Variants in BCL2L15 observed in about 807,000 individuals in gnomAD.
The protein encoded by BCL2L15 is bcl-2-like protein 15.
In BCL2L15, 15 loss-of-function variants were observed where a neutral mutation model predicts 18.3. The observed-to-expected ratio is 0.82, with a 90% CI of 0.55 to 1.26. The LOEUF (loss-of-function observed/expected upper bound fraction) is 1.26. Ranked by LOEUF, BCL2L15 falls within the 50% of genes most tolerant of loss-of-function variation. BCL2L15 has a pLI of 0.00. For synonymous variants in BCL2L15, 58 were observed against 68.5 expected (o/e 0.85, Z 0.76); for missense variants, 180 against 201.7 (o/e 0.89, Z 0.65).
chr1:113,877,186 G>C lies in BCL2L15; in HGVS notation c.*3937C>G, dbSNP rs1666749690. On this transcript the variant is annotated 3_prime_UTR_variant, in exon 4 of 4. Transcript: ENST00000393316. ...AGGAGGAGGGCAGCTTTAGTGACTGGCTCGGTTATACTAGAGCATTGGGAT... is the reference window on the plus strand; with the variant it reads ...AGGAGGAGGGCAGCTTTAGTGACTGCCTCGGTTATACTAGAGCATTGGGAT... Among the ~76,000 whole-genome samples, 2 of 152,090 alleles carry C rather than the reference G, an allele frequency of 1.3e-5. No individual in the cohort carries two copies. The highest frequency in any genetic ancestry group is 4.1e-4 in the South Asian group (2 of 4,820).
rs1236835126 is a variant in BCL2L15 at position 113,878,332 on chromosome 1, C to T, written c.*2791G>A. 6.6e-6 allele frequency: 1 copy of T among 152,294 alleles called. No homozygotes were observed. The highest frequency in any genetic ancestry group is 1.5e-5 in the Non-Finnish European group (1 of 68,040). The allele number at this position is 152,294 out of a possible 1,614,324, so 9.4% of individuals were successfully genotyped here. On this transcript the variant is annotated 3_prime_UTR_variant, in exon 4 of 4. Coordinates refer to ENST00000393316, the MANE Select transcript of BCL2L15 (RefSeq NM_001010922.3). Reference sequence around the variant, plus strand: ...GTGAAACTAAAGTGTTAAAATCAGGCAATCTGAATCCATTTTTAATTCCTG... The same window carrying T: ...GTGAAACTAAAGTGTTAAAATCAGGTAATCTGAATCCATTTTTAATTCCTG...
chr1:113,879,409 T>C lies in BCL2L15; in HGVS notation c.*1714A>G, dbSNP rs562079535. 1.3e-5 allele frequency: 2 copies of C among 152,476 alleles called. No homozygotes were observed. The highest frequency in any genetic ancestry group is 3.8e-4 in the East Asian group (2 of 5,326). 9.4% of individuals were successfully genotyped at this position (152,476 alleles called of 1,614,324 possible). A position where few individuals can be genotyped will look rare whatever the true frequency, so the allele number is the denominator to read the frequency against. ...TCTATTAGATCATTAAGGACTATTTTGAGATACAAGATCATACAAATCATA... is the reference window on the plus strand; with the variant it reads ...TCTATTAGATCATTAAGGACTATTTCGAGATACAAGATCATACAAATCATA... On this transcript the variant is annotated 3_prime_UTR_variant, in exon 4 of 4. Transcript: ENST00000393316.
intron 2 of BCL2L15, among the ~76,000 whole-genome samples, chr1:113,883,665 T>A (rs1666951223): frequency 6.7e-6 from 1 of 150,308 alleles, no homozygotes; most frequent in African/African-American, 2.4e-5. Context: ...GTGCCTGTAG[T>A]CCCAGCTACT....
Position 113,878,942 on chromosome 1 carries a change from C to A in BCL2L15, c.*2181G>T. The A allele has an allele frequency of 6.6e-6, 1 of 152,130 alleles. No homozygotes were observed. The highest frequency in any genetic ancestry group is 1.9e-4 in the East Asian group (1 of 5,186). 9.4% of individuals were successfully genotyped at this position (152,130 alleles called of 1,614,324 possible). The stretch of plus-strand genomic sequence containing the variant: ...TCAGCTCACAGCAACCTCCGCCTCC[C>A]AGGTTCAAGTGATTCTCCTGCCTCA... On this transcript the variant is annotated 3_prime_UTR_variant, in exon 4 of 4. Coordinates refer to ENST00000393316, the MANE Select transcript of BCL2L15 (RefSeq NM_001010922.3).
chr1:113,886,791 T>C, intron 1 of BCL2L15, 133 bp from the exon 2 acceptor site: 1 of 801,208 alleles, frequency 1.2e-6, no homozygotes, highest in African/African-American at 1.7e-5. Flanking sequence ...TTAAATGTTC[T>C]GTCAACACCA....
intron 2 of BCL2L15, among the ~76,000 whole-genome samples, chr1:113,883,169 C>G (rs1156308866): frequency 6.6e-6 from 1 of 151,858 alleles, no homozygotes; most frequent in African/African-American, 2.4e-5. Context: ...ATCTTGATTT[C>G]TAAATATCAT....
intron 2 of BCL2L15, among the ~76,000 whole-genome samples, chr1:113,883,910 G>A (rs998339765): frequency 2.6e-5 from 4 of 152,204 alleles, no homozygotes; most frequent in African/African-American, 9.6e-5. Context: ...TCAAAGAGAT[G>A]CAGTCTAGAG....
At position 113,880,858 on chromosome 1, in the gene BCL2L15, TA is replaced by T; in HGVS notation, c.*264del. Reference sequence around the variant, plus strand: ...GGTCTTTGCTTCAACAGAACCTCATTAAAACTCATGTGAAAACAGAAAGTAG... The same window carrying T: ...GGTCTTTGCTTCAACAGAACCTCATTAAACTCATGTGAAAACAGAAAGTAG... On this transcript the variant is annotated 3_prime_UTR_variant, in exon 4 of 4. Transcript: ENST00000393316. 3.8e-6 allele frequency: 2 copies of T among 524,950 alleles called. No homozygotes were observed. Among genetic ancestry groups the T allele is most frequent in the Non-Finnish European group, 6.8e-6 (2 of 292,678 alleles). 32.5% of individuals were successfully genotyped at this position (524,950 alleles called of 1,614,324 possible).
Position 113,885,193 on chromosome 1 carries a change from C to G in BCL2L15, c.249+1344G>C, listed in dbSNP as rs75122521. Among the ~76,000 whole-genome samples, 644 of 151,314 alleles carry G rather than the reference C, an allele frequency of 4.3e-3. 5 individuals are homozygous for G. The highest frequency in any genetic ancestry group is 0.015 in the African/African-American group (606 of 41,226). ...CTGGTCTCAAACTCCTGGCCTCAAG[C>G]AGTCCGCCCCTCTCGGCCTCCCAAA... On this transcript the variant is annotated intron_variant, in intron 2 of 3. Transcript: ENST00000393316.
At chr1:113,883,890 T>G (rs971410383) in intron 2 of BCL2L15, among the ~76,000 whole-genome samples, 1 of 152,228 alleles carries the variant, frequency 6.6e-6, no homozygotes, top group Non-Finnish European at 1.5e-5. Flanking sequence ...CAAATAATAA[T>G]AGAGACACAT....
Position 113,881,099 on chromosome 1 carries a change from A to T in BCL2L15, c.*24T>A. Reference sequence around the variant, plus strand: ...ATCAGTCAACAAGGAAGTGATGTTCAGTCTCGTGAATAGCTCCAACTCTTC... The same window carrying T: ...ATCAGTCAACAAGGAAGTGATGTTCTGTCTCGTGAATAGCTCCAACTCTTC... On this transcript the variant is annotated 3_prime_UTR_variant, in exon 4 of 4. Transcript: ENST00000393316. 1 of 1,614,162 alleles carries T rather than the reference A, an allele frequency of 6.2e-7. No homozygotes were observed. Among genetic ancestry groups the T allele is most frequent in the Non-Finnish European group, 8.5e-7 (1 of 1,179,980 alleles).
chr1:113,886,763 T>C lies in BCL2L15; in HGVS notation c.128-105A>G. The C allele has an allele frequency of 3.6e-6, 4 of 1,106,272 alleles. No homozygotes were observed. The South Asian group carries it at 6.9e-5, about 19-fold the overall frequency. The allele number at this position is 1,106,272 out of a possible 1,614,324, so 68.5% of individuals were successfully genotyped here. On this transcript the variant is annotated intron_variant, in intron 1 of 3. Coordinates refer to ENST00000393316, the MANE Select transcript of BCL2L15 (RefSeq NM_001010922.3). ...TCTTGTCTTTTAAATAATTTTCATATCATGATCTCCCAAGAGCTTAAATGT... is the reference window on the plus strand; with the variant it reads ...TCTTGTCTTTTAAATAATTTTCATACCATGATCTCCCAAGAGCTTAAATGT...
rs1331843302 is a variant in BCL2L15, at chr1:113,881,990, G to C, written c.257C>G (p.Ala86Gly). 4 of 1,611,912 alleles carry C rather than the reference G, an allele frequency of 2.5e-6. No homozygotes were observed. In the South Asian group the frequency reaches 4.4e-5, roughly 18 times the overall value. The change falls in exon 3 of 4, where the codon GCT becomes GGT. Residue 86 changes from alanine to glycine, a missense_variant. Transcript: ENST00000393316. ...AGATTCCACAGTGTCCTGGAGTATA[G>C]CTCCTGTCTGAGGAAAGACAAAGGA... The part of the protein sequence containing the change: ...IAETIKGQTG[A>G]ILQDTVESLS...
chr1:113,885,314 C>G (rs1465395329), intron 2 of BCL2L15, among the ~76,000 whole-genome samples: 3 of 152,126 alleles, frequency 2.0e-5, no homozygotes, highest in African/African-American at 4.8e-5. Flanking sequence ...CTACCTAGGA[C>G]AGCCTCAGGG....
At chr1:113,886,489 G>GAAAT in intron 2 of BCL2L15, 48 bp downstream of exon 2, 2 of 1,576,894 alleles carry the variant, frequency 1.3e-6, no homozygotes, top group Non-Finnish European at 1.7e-6. Context: ...AAGGAAGTTT[G>GAAAT]AAATAGAAAA....
intron 3 of BCL2L15, 29 bp downstream of exon 3, chr1:113,881,744 A>G: frequency 6.2e-7 from 1 of 1,606,576 alleles, no homozygotes; most frequent in Non-Finnish European, 8.5e-7. Flanking sequence ...GCAAATACCT[A>G]GCAAAACCAG....
chr1:113,880,137 C>T lies in BCL2L15; in HGVS notation c.*986G>A, dbSNP rs549656900. Reference sequence around the variant, plus strand: ...GTGGCCTTGCTGTCCTAGATGTGGGCCAGCACTTCCTGCATCCTGTGGCAG... The same window carrying T: ...GTGGCCTTGCTGTCCTAGATGTGGGTCAGCACTTCCTGCATCCTGTGGCAG... On this transcript the variant is annotated 3_prime_UTR_variant, in exon 4 of 4. Coordinates refer to ENST00000393316, the MANE Select transcript of BCL2L15 (RefSeq NM_001010922.3). The T allele has an allele frequency of 3.3e-5, 5 of 152,474 alleles. No individual in the cohort carries two copies. Among genetic ancestry groups the T allele is most frequent in the African/African-American group, 1.2e-4 (5 of 41,576 alleles). The allele number at this position is 152,474 out of a possible 1,614,324, so 9.4% of individuals were successfully genotyped here.
intron 2 of BCL2L15, among the ~76,000 whole-genome samples, chr1:113,884,746 C>T (rs1243012731): frequency 2.0e-5 from 3 of 151,486 alleles, no homozygotes; most frequent in Non-Finnish European, 4.4e-5. Flanking sequence ...TTTATTAAAA[C>T]AAGTTCAAGT....
chr1:113,882,660 C>T (rs867018399), intron 2 of BCL2L15, among the ~76,000 whole-genome samples: 86 of 151,248 alleles, frequency 5.7e-4, no homozygotes, highest in African/African-American at 1.8e-3. Context: ...AAAAAAAGAC[C>T]GAATGCAGTG....
Sources: allele counts gnomAD v4.1 joint callset (sites outside exome capture counted in the v4.1 genomes callset), GRCh38; gene constraint gnomAD v4.1.1; transcripts MANE v1.5; gene names NCBI Gene and HGNC (gene_info 2026-07-23, HGNC 2026-07-21).